Variants in PLEKHG4B observed in about 807,000 individuals in gnomAD.
The protein encoded by PLEKHG4B is pleckstrin homology domain-containing family G member 4B.
In PLEKHG4B, 111 loss-of-function variants were observed where a neutral mutation model predicts 121.3. That is an observed-to-expected ratio of 0.92 (90% CI 0.78 to 1.07). The LOEUF (loss-of-function observed/expected upper bound fraction) is 1.07. Among genes scored for constraint, PLEKHG4B ranks in the 50% least tolerant of loss-of-function variants. The pLI, the probability that PLEKHG4B is intolerant of heterozygous loss-of-function variation, is 0.00. For missense variants in PLEKHG4B, 1,831 were observed against 1,757.8 expected, an observed-to-expected ratio of 1.04 and a Z score of -0.74; for synonymous variants, 738 against 725.0, an observed-to-expected ratio of 1.02 and a Z score of -0.29.
chr5:151,021 G>A (rs190106578), intron 6 of PLEKHG4B, among the ~76,000 whole-genome samples: 20 of 152,264 alleles, frequency 1.3e-4, no homozygotes, highest in East Asian at 3.9e-4. Flanking sequence ...GGAACAAACC[G>A]TTGATCTCCA....
chr5:106,285 G>A (rs1398642778), intron 1 of PLEKHG4B, among the ~76,000 whole-genome samples: 1 of 152,148 alleles, frequency 6.6e-6, no homozygotes, highest in Non-Finnish European at 1.5e-5. Flanking sequence ...CACGAGTACT[G>A]CTGCTCCAGG....
At chr5:150,732 A>G (rs1469622093) in intron 6 of PLEKHG4B, among the ~76,000 whole-genome samples, 1 of 152,222 alleles carries the variant, frequency 6.6e-6, no homozygotes, top group African/African-American at 2.4e-5. Context: ...GAAACACACA[A>G]AAACAGTAAC....
intron 11 of PLEKHG4B, among the ~76,000 whole-genome samples, chr5:158,269 TCTC>T (rs1274635285): frequency 9.0e-6 from 1 of 111,014 alleles, no homozygotes; most frequent in East Asian, 3.2e-4. Flanking sequence ...GTCTCCTCCA[TCTC>T]CTCTCCTCCC....
intron 3 of PLEKHG4B, among the ~76,000 whole-genome samples, chr5:141,313 A>G (rs1471158685): frequency 7.7e-6 from 1 of 129,060 alleles, no homozygotes; most frequent in Admixed American, 8.2e-5. Flanking sequence ...CCATGTTCAT[A>G]TTGGCGCTCA....
chr5:141,386 G>C (rs538055649), intron 3 of PLEKHG4B, among the ~76,000 whole-genome samples: 1 of 149,128 alleles, frequency 6.7e-6, no homozygotes, highest in Non-Finnish European at 1.5e-5. Context: ...TCCGAGGACC[G>C]GGGGCACCCA....
rs757346841 is a variant in PLEKHG4B, at chr5:143,255, A to C, written c.1686A>C (p.Pro562=). 6 of 1,609,844 alleles carry C rather than the reference A, an allele frequency of 3.7e-6. No homozygotes were observed. Among genetic ancestry groups the C allele is most frequent in the Non-Finnish European group, 5.1e-6 (6 of 1,179,950 alleles). The stretch of plus-strand genomic sequence containing the variant: ...TGCAGTCCGGGGTCGTCACCCTCCC[A>C]GGTGAGAGCACATGCCAGGCTCTCC... ...ELLQSGVVTL[P]GTRDRHGRAV... The change falls in exon 4 of 20, where the codon CCA becomes CCC. Residue 562 remains proline, a splice_region_variant and synonymous_variant. Coordinates refer to ENST00000637938, the MANE Select transcript of PLEKHG4B (RefSeq NM_052909.5).
intron 6 of PLEKHG4B, among the ~76,000 whole-genome samples, chr5:147,196 A>G (rs1735448159): frequency 6.6e-6 from 1 of 152,242 alleles, no homozygotes. Context: ...GTTGGGTTGC[A>G]CCAGCTAGGC....
intron 2 of PLEKHG4B, among the ~76,000 whole-genome samples, chr5:134,777 A>AAAAG (rs538254614): frequency 0.054 from 7,846 of 146,568 alleles, 312 homozygotes; most frequent in Non-Finnish European, 0.081. Flanking sequence ...AAAAAAAAAA[A>AAAAG]AAAAGAAAAG....
At position 171,143 on chromosome 5, in the gene PLEKHG4B, T is replaced by C; in HGVS notation, c.3819+11T>C. On this transcript the variant is annotated intron_variant, in intron 15 of 19. Transcript: ENST00000637938. ...AACGCCTTCTTCAAGGTCATCCCCCTCGGCCCGCCCCCCACAGCCTGCCCG... is the reference window on the plus strand; with the variant it reads ...AACGCCTTCTTCAAGGTCATCCCCCCCGGCCCGCCCCCCACAGCCTGCCCG... 6.2e-7 allele frequency: 1 copy of C among 1,611,570 alleles called. No individual in the cohort carries two copies. Among genetic ancestry groups the C allele is most frequent in the Non-Finnish European group, 8.5e-7 (1 of 1,178,766 alleles).
At chr5:172,313 G>C (rs981963757) in intron 16 of PLEKHG4B, among the ~76,000 whole-genome samples, 1 of 152,224 alleles carries the variant, frequency 6.6e-6, no homozygotes, top group African/African-American at 2.4e-5. Flanking sequence ...CCGTCATGCG[G>C]GTAAATTCCA....
chr5:171,456 A>G lies in PLEKHG4B; in HGVS notation c.4050+12A>G. 3.2e-6 allele frequency: 5 copies of G among 1,564,568 alleles called. No individual in the cohort carries two copies. The highest frequency in any genetic ancestry group is 1.3e-5 in the African/African-American group (1 of 74,296). On this transcript the variant is annotated intron_variant, in intron 16 of 19. Coordinates refer to ENST00000637938, the MANE Select transcript of PLEKHG4B (RefSeq NM_052909.5). ...TCCGCGGCTGTGACGTAAGTGCCTC[A>G]GACGCTGGCAGCTCAGGCAAGCTGG...
chr5:100,462 G>A (rs640461), intron 1 of PLEKHG4B, among the ~76,000 whole-genome samples: 2 of 89,878 alleles, frequency 2.2e-5, no homozygotes, highest in African/African-American at 5.8e-5. Context: ...CTGTAGGGGA[G>A]AGACTGTTGT....
At position 135,003 on chromosome 5, in the gene PLEKHG4B, C is replaced by G. The variant is rs11949629; in HGVS notation, c.244-4480C>G. On this transcript the variant is annotated intron_variant, in intron 2 of 19. Transcript: ENST00000637938. Reference sequence around the variant, plus strand: ...AGGAGATCGAGACCATCCTGGCTAACTTGGTGAAACCCTATCTCTACTAAA... The same window carrying G: ...AGGAGATCGAGACCATCCTGGCTAAGTTGGTGAAACCCTATCTCTACTAAA... 2.7e-3 allele frequency among the ~76,000 whole-genome samples: 408 copies of G among 151,708 alleles called. 2 individuals are homozygous for G. The highest frequency in any genetic ancestry group is 9.5e-3 in the African/African-American group (393 of 41,380).
chr5:99,885 G>A (rs905492324), intron 1 of PLEKHG4B, among the ~76,000 whole-genome samples: 6 of 152,064 alleles, frequency 3.9e-5, no homozygotes, highest in African/African-American at 1.2e-4. Context: ...TTATCATATG[G>A]AGGAAGTTTC....
intron 6 of PLEKHG4B, 67 bp downstream of exon 6, chr5:144,987 C>A: frequency 6.9e-7 from 1 of 1,454,732 alleles, no homozygotes; most frequent in Non-Finnish European, 9.5e-7. Flanking sequence ...GCTGGGGCTG[C>A]CCACATCGTG....
At chr5:128,760 T>C (rs1734694117) in intron 2 of PLEKHG4B, among the ~76,000 whole-genome samples, 1 of 152,184 alleles carries the variant, frequency 6.6e-6, no homozygotes, top group Admixed American at 6.5e-5. Flanking sequence ...CTCCACCATC[T>C]TCCCAGAATC....
chr5:153,983 A>G (rs10214291), intron 7 of PLEKHG4B, among the ~76,000 whole-genome samples: 28,675 of 150,726 alleles, frequency 0.19, 3,776 homozygotes, highest in African/African-American at 0.37. Context: ...CAGCCACCAC[A>G]CCGGCCAGAT....
intron 1 of PLEKHG4B, among the ~76,000 whole-genome samples, chr5:98,090 G>T (rs1324771658): frequency 6.6e-6 from 1 of 151,754 alleles, no homozygotes; most frequent in Non-Finnish European, 1.5e-5. Context: ...TTCTTTTGTT[G>T]CTCATGCTTT....
At chr5:147,573 G>A (rs1051862925) in intron 6 of PLEKHG4B, among the ~76,000 whole-genome samples, 2 of 152,204 alleles carry the variant, frequency 1.3e-5, no homozygotes, top group Admixed American at 1.3e-4. Context: ...CACCAAAAAA[G>A]GTTCACAGTG....
Sources: allele counts gnomAD v4.1 joint callset (sites outside exome capture counted in the v4.1 genomes callset), GRCh38; gene constraint gnomAD v4.1.1; transcripts MANE v1.5; gene names NCBI Gene and HGNC (gene_info 2026-07-23, HGNC 2026-07-21).